Variants in DGAT2L6 observed in about 807,000 individuals in gnomAD.
The protein encoded by DGAT2L6 is diacylglycerol O-acyltransferase 2-like protein 6.
A neutral mutation model predicts 25.5 loss-of-function variants in DGAT2L6; 22 were observed. That is an observed-to-expected ratio of 0.86 (90% CI 0.62 to 1.23). DGAT2L6 has a LOEUF of 1.23. Ranked by LOEUF, DGAT2L6 falls within the 50% of genes most tolerant of loss-of-function variation. DGAT2L6 has a pLI of 0.00. For missense variants in DGAT2L6, 287 were observed against 253.2 expected (o/e 1.13, Z -0.91); for synonymous variants, 100 against 94.7 (o/e 1.06, Z -0.32).
Position 70,202,013 on chromosome X carries a change from C to A in DGAT2L6, c.596C>A (p.Thr199Asn). Reference sequence around the variant, plus strand: ...CTCTTGTGCCGACCAGGAGCCTCCACTCTCTTCCTCAAGCAGCGTAAAGGT... The same window carrying A: ...CTCTTGTGCCGACCAGGAGCCTCCAATCTCTTCCTCAAGCAGCGTAAAGGT... ...EALLCRPGAS[T>N]LFLKQRKGFV... Residue 199 changes from threonine (T) to asparagine (N), a missense_variant, in exon 5 of 7, where the codon ACT becomes AAT. Coordinates refer to ENST00000333026, the MANE Select transcript of DGAT2L6 (RefSeq NM_198512.3). The A allele has an allele frequency of 2.5e-6, 3 of 1,208,437 alleles. No individual in the cohort carries two copies. Among genetic ancestry groups the A allele is most frequent in the African/African-American group, 3.5e-5 (2 of 57,587 alleles).
chrX:70,184,699 C>T (rs760555812), intron 1 of DGAT2L6, among the ~76,000 whole-genome samples: 111 of 110,502 alleles, frequency 1.0e-3, no homozygotes, highest in African/African-American at 3.5e-3. Context: ...CTCCTGGACT[C>T]CAGGGATCCT....
chrX:70,189,517 A>C (rs766988766), intron 1 of DGAT2L6, among the ~76,000 whole-genome samples: 1 of 112,243 alleles, frequency 8.9e-6, no homozygotes, highest in Admixed American at 9.4e-5. Flanking sequence ...ACAGATTGGA[A>C]GATTCAACAC....
intron 1 of DGAT2L6, among the ~76,000 whole-genome samples, chrX:70,185,765 C>G (rs1299601049): frequency 9.0e-6 from 1 of 111,481 alleles, no homozygotes; most frequent in Non-Finnish European, 1.9e-5. Flanking sequence ...AATTACCTGT[C>G]ACTCCTACAA....
chrX:70,196,478 T>A (rs1602692527), intron 1 of DGAT2L6, among the ~76,000 whole-genome samples: 1 of 53,633 alleles, frequency 1.9e-5, no homozygotes, highest in African/African-American at 6.5e-5. Flanking sequence ...CAGAACCAGA[T>A]CCTGTCTCAA....
intron 5 of DGAT2L6, 140 bp downstream of exon 5, chrX:70,202,204 G>A (rs2085413067): frequency 1.9e-6 from 1 of 525,310 alleles, no homozygotes; most frequent in South Asian, 8.1e-5. Context: ...CCCTCACATT[G>A]TGCCTTAGGG....
chrX:70,205,084 C>A lies in DGAT2L6; in HGVS notation c.992C>A (p.Thr331Asn). The change falls in exon 7 of 7, where the codon ACC becomes AAC. Residue 331 changes from threonine to asparagine, a missense_variant. By Grantham distance (65) the Thr-to-Asn change is moderately conservative (BLOSUM62 0). Transcript: ENST00000333026. ...QHKVEYGLPE[T>N]QELTIT Reference sequence around the variant, plus strand: ...AAAGTTGAATATGGCCTCCCTGAGACCCAAGAGCTGACAATTACATAACAG... The same window carrying A: ...AAAGTTGAATATGGCCTCCCTGAGAACCAAGAGCTGACAATTACATAACAG... 3.3e-6 allele frequency: 4 copies of A among 1,197,916 alleles called. No individual in the cohort carries two copies. The highest frequency in any genetic ancestry group is 4.5e-6 in the Non-Finnish European group (4 of 890,161).
rs147349994 is a variant in DGAT2L6 at position 70,204,471 on chromosome X, G to A, written c.814G>A (p.Gly272Arg). 26 of 1,211,185 alleles carry A rather than the reference G, an allele frequency of 2.1e-5. No homozygotes were observed. Among genetic ancestry groups the A allele is most frequent in the East Asian group, 1.2e-4 (4 of 33,826 alleles). ...CTFHGRGFTR[G>R]SWGFLPFNRP... ...CTTCCATGGCCGGGGCTTCACTCGC[G>A]GATCCTGGGGCTTCCTGCCTTTCAA... Residue 272 changes from glycine to arginine, a missense_variant, in exon 6 of 7, where the codon GGA becomes AGA. Coordinates refer to ENST00000333026, the MANE Select transcript of DGAT2L6 (RefSeq NM_198512.3).
At position 70,204,319 on chromosome X, in the gene DGAT2L6, C is replaced by A; in HGVS notation, c.662C>A (p.Pro221His). 8.3e-7 allele frequency: 1 copy of A among 1,206,594 alleles called. No individual in the cohort carries two copies. ...TCTCTTTGCAGGGCATACCTTGTCC[C>A]TTCATATTCCTTTGGTGAGAACGAA... ...MALQTGAYLV[P>H]SYSFGENEVF... The change falls in exon 6 of 7, where the codon CCT becomes CAT. Residue 221 changes from proline to histidine, a missense_variant. Transcript: ENST00000333026.
intron 1 of DGAT2L6, among the ~76,000 whole-genome samples, chrX:70,196,847 G>A (rs752572569): frequency 2.7e-5 from 3 of 112,044 alleles, no homozygotes; most frequent in Non-Finnish European, 5.6e-5. Flanking sequence ...AGATTTGAAT[G>A]GACACTTCAC....
chrX:70,178,790 T>A (rs1344228950), intron 1 of DGAT2L6, among the ~76,000 whole-genome samples: 1 of 112,343 alleles, frequency 8.9e-6, no homozygotes, highest in Non-Finnish European at 1.9e-5. Flanking sequence ...AATGTAGTAT[T>A]TCCTTCAATG....
Position 70,200,326 on chromosome X carries a change from T to C in DGAT2L6, c.339T>C (p.Ser113=), listed in dbSNP as rs932036933. The C allele has an allele frequency of 8.3e-7, 1 of 1,209,877 alleles. No homozygotes were observed. Among genetic ancestry groups the C allele is most frequent in the African/African-American group, 1.7e-5 (1 of 57,174 alleles). Residue 113 remains serine, a synonymous_variant, in exon 4 of 7, where the codon TCT becomes TCC. Coordinates refer to ENST00000333026, the MANE Select transcript of DGAT2L6 (RefSeq NM_198512.3). ...CCAATCACCCCCATGGCATTCTCTC[T>C]TTTGGTGTCTTCATCAACTTTGCCA... The part of the protein sequence containing the change: ...IIANHPHGIL[S]FGVFINFATE...
At chrX:70,200,503 A>G (rs747423413) in intron 4 of DGAT2L6, 44 bp downstream of exon 4, 2 of 1,113,675 alleles carry the variant, frequency 1.8e-6, no homozygotes, top group East Asian at 6.2e-5. Flanking sequence ...ACCTACTTCA[A>G]AGGTGCAACC....
chrX:70,184,084 G>T (rs2085352152), intron 1 of DGAT2L6, among the ~76,000 whole-genome samples: 1 of 111,172 alleles, frequency 9.0e-6, no homozygotes, highest in Admixed American at 9.5e-5. Flanking sequence ...GACCAGTTCT[G>T]TCACTTACTT....
In DGAT2L6 at chrX:70,200,304, A is replaced by G; in HGVS notation, c.317A>G (p.Asn106Ser). The G allele has an allele frequency of 2.5e-6, 3 of 1,211,076 alleles. No homozygotes were observed. Among genetic ancestry groups the G allele is most frequent in the Non-Finnish European group, 3.4e-6 (3 of 895,214 alleles). The change falls in exon 4 of 7, where the codon AAT (asparagine) becomes AGT (serine). Residue 106 changes from asparagine (N) to serine (S), a missense_variant. By Grantham distance (46) the Asn-to-Ser change is conservative. Transcript: ENST00000333026. ...LSPKHNYIIANHPHGILSFGV... is the reference protein window; with the variant it reads ...LSPKHNYIIASHPHGILSFGV... ...CCCAAACACAACTACATCATTGCCA[A>G]TCACCCCCATGGCATTCTCTCTTTT...
At chrX:70,192,167 C>T (rs2085377403) in intron 1 of DGAT2L6, among the ~76,000 whole-genome samples, 1 of 111,821 alleles carries the variant, frequency 8.9e-6, no homozygotes, top group Non-Finnish European at 1.9e-5. Flanking sequence ...GCAAGAAGAT[C>T]GCTTGAGCCC....
chrX:70,195,349 A>G, intron 1 of DGAT2L6, among the ~76,000 whole-genome samples: 1 of 111,552 alleles, frequency 9.0e-6, no homozygotes, highest in Admixed American at 9.5e-5. Flanking sequence ...CAGTAATGAA[A>G]TTAGTGTCTT....
intron 4 of DGAT2L6, among the ~76,000 whole-genome samples, chrX:70,201,117 C>G (rs763107203): frequency 1.6e-4 from 18 of 111,699 alleles, no homozygotes; most frequent in Non-Finnish European, 5.6e-5. Context: ...ACAACTGAAG[C>G]CAAACATCCA....
At chrX:70,201,451 T>TG (rs1280854964) in intron 4 of DGAT2L6, among the ~76,000 whole-genome samples, 1 of 111,621 alleles carries the variant, frequency 9.0e-6, no homozygotes, top group Non-Finnish European at 1.9e-5. Context: ...GGCTTCCCTT[T>TG]GGCAGGTTAC....
intron 4 of DGAT2L6, among the ~76,000 whole-genome samples, chrX:70,200,776 C>G (rs780766722): frequency 8.9e-6 from 1 of 111,933 alleles, no homozygotes; most frequent in African/African-American, 3.2e-5. Context: ...GAATTAAACA[C>G]AAATCCAGGG....
Sources: allele counts gnomAD v4.1 joint callset (sites outside exome capture counted in the v4.1 genomes callset), GRCh38; gene constraint gnomAD v4.1.1; transcripts MANE v1.5; gene names NCBI Gene and HGNC (gene_info 2026-07-23, HGNC 2026-07-21).